HPS5: variants seen among roughly 807,000 people sequenced by gnomAD.
HPS5 encodes BLOC-2 complex member HPS5.
HPS5 carries 83 observed loss-of-function variants against 128.0 expected under a neutral mutation model. That is an observed-to-expected ratio of 0.65 (90% CI 0.54 to 0.78). The LOEUF (loss-of-function observed/expected upper bound fraction) is 0.78. HPS5 is among the 30% of genes least tolerant of loss of function. HPS5 has a pLI of 0.00. For synonymous variants in HPS5, 475 were observed against 470.2 expected (o/e 1.01, Z -0.13); for missense variants, 1,281 against 1,326.2 (o/e 0.97, Z 0.53).
chr11:18,322,148 G>A (rs1212598587), upstream of HPS5: 2 of 152,408 alleles, frequency 1.3e-5, no homozygotes, highest in Non-Finnish European at 2.9e-5. Flanking sequence ...ACTAAGAGCG[G>A]AACGTGAACT....
chr11:18,297,339 C>T (rs760260416), intron 11 of HPS5, among the ~76,000 whole-genome samples: 1 of 152,042 alleles, frequency 6.6e-6, no homozygotes, highest in Non-Finnish European at 1.5e-5. Flanking sequence ...TATCAGGGAA[C>T]AAAAAATAAT....
intron 1 of HPS5, among the ~76,000 whole-genome samples, chr11:18,318,901 T>C (rs747340367): frequency 2.6e-5 from 4 of 152,206 alleles, no homozygotes; most frequent in African/African-American, 9.6e-5. Context: ...CTGGAGATGA[T>C]AAAGTTCTAA....
intron 7 of HPS5, 34 bp from the exon 8 acceptor site, chr11:18,305,527 C>T: frequency 1.4e-6 from 2 of 1,467,456 alleles, no homozygotes; most frequent in Non-Finnish European, 1.9e-6. Flanking sequence ...ATGAGTTTAT[C>T]TGTTAAAAGT....
chr11:18,281,431 C>T (rs1438983536), intron 22 of HPS5, among the ~76,000 whole-genome samples: 4 of 151,672 alleles, frequency 2.6e-5, no homozygotes, highest in East Asian at 3.9e-4. Flanking sequence ...GATGGAGTCT[C>T]GCTCTGTCAC....
At chr11:18,313,788 C>A (rs896403164) in intron 2 of HPS5, among the ~76,000 whole-genome samples, 2 of 152,124 alleles carry the variant, frequency 1.3e-5, no homozygotes, top group East Asian at 3.9e-4. Flanking sequence ...GCAGTGCGTG[C>A]CTGTAATCCC....
At chr11:18,290,010 C>G (rs2134270508) in intron 16 of HPS5, among the ~76,000 whole-genome samples, 1 of 152,310 alleles carries the variant, frequency 6.6e-6, no homozygotes, top group African/African-American at 2.4e-5. Flanking sequence ...GTTACATTTC[C>G]CAGTTTCCTT....
At chr11:18,294,228 C>T (rs866413342) in intron 14 of HPS5, among the ~76,000 whole-genome samples, 3 of 152,184 alleles carry the variant, frequency 2.0e-5, no homozygotes, top group South Asian at 2.1e-4. Context: ...GCTTGATCAA[C>T]GTTGCCTAAA....
At chr11:18,286,816 A>G in intron 18 of HPS5, 106 bp from the exon 19 acceptor site, 1 of 1,406,106 alleles carries the variant, frequency 7.1e-7, no homozygotes. Context: ...ATATAGAAGA[A>G]GAAATAACTT....
At position 18,301,348 on chromosome 11, in the gene HPS5, C is replaced by T. The variant is rs188146762; in HGVS notation, c.897-432G>A. ...ACATGCGCTTGTAATCCCAGCTACT[C>T]GGGAGGCTGAGGCAGGAGAATCACT... On this transcript the variant is annotated intron_variant, in intron 8 of 22. Transcript: ENST00000349215. Among the ~76,000 whole-genome samples, 67 of 147,900 alleles carry T rather than the reference C, an allele frequency of 4.5e-4. 1 individual carries two copies. Among genetic ancestry groups the T allele is most frequent in the African/African-American group, 1.6e-3 (64 of 39,844 alleles).
At chr11:18,311,352 GA>G (rs778516931) in intron 4 of HPS5, 34 bp downstream of exon 4, 10 of 1,425,780 alleles carry the variant, frequency 7.0e-6, no homozygotes, top group Non-Finnish European at 9.9e-6. Flanking sequence ...AAATGCATTT[GA>G]AAAAGGACAG....
intron 1 of HPS5, 131 bp from the exon 2 acceptor site, chr11:18,318,038 T>G (rs1590157435): frequency 6.1e-6 from 4 of 657,428 alleles, no homozygotes; most frequent in Non-Finnish European, 1.0e-5. Context: ...AGAAAACACA[T>G]AAGGTAACAT....
Position 18,306,354 on chromosome 11 carries a change from T to C in HPS5, c.612-7A>G, listed in dbSNP as rs749433305. On this transcript the variant is annotated splice_region_variant and splice_polypyrimidine_tract_variant and intron_variant, in intron 6 of 22. Transcript: ENST00000349215. ...AATTTTCCAAAACTTTTCTCTAACA[T>C]CCAGAAAGGAAGAGAAAGCAGATTT... 3 of 1,604,260 alleles carry C rather than the reference T, an allele frequency of 1.9e-6. No homozygotes were observed. In the East Asian group the frequency reaches 6.7e-5, roughly 36 times the overall value.
At chr11:18,285,936 T>TACA (rs1161914049) in intron 19 of HPS5, among the ~76,000 whole-genome samples, 5 of 152,226 alleles carry the variant, frequency 3.3e-5, no homozygotes, top group Non-Finnish European at 5.9e-5. Flanking sequence ...CATACATACC[T>TACA]ATCTCCCTAA....
At chr11:18,317,381 G>A (rs903274614) in intron 2 of HPS5, among the ~76,000 whole-genome samples, 6 of 150,942 alleles carry the variant, frequency 4.0e-5, no homozygotes, top group Non-Finnish European at 8.8e-5. Context: ...TCAGCCTCCC[G>A]AGTACCTGGG....
intron 20 of HPS5, among the ~76,000 whole-genome samples, chr11:18,284,329 C>G (rs1859410893): frequency 6.6e-6 from 1 of 152,126 alleles, no homozygotes; most frequent in Non-Finnish European, 1.5e-5. Flanking sequence ...TTCCTTGACT[C>G]TTCCCCCTCC....
At chr11:18,309,986 G>C (rs893087574) in intron 5 of HPS5, among the ~76,000 whole-genome samples, 1 of 152,176 alleles carries the variant, frequency 6.6e-6, no homozygotes, top group Non-Finnish European at 1.5e-5. Flanking sequence ...CTGAGTGACA[G>C]AGCAAGAACC....
In HPS5 at chr11:18,311,415, C is replaced by G; in HGVS notation, c.256G>C (p.Asp86His). The G allele has an allele frequency of 6.2e-7, 1 of 1,608,746 alleles. No homozygotes were observed. The highest frequency in any genetic ancestry group is 8.5e-7 in the Non-Finnish European group (1 of 1,175,834). ...GTAGCTACAGCAACATAATCATCAT[C>G]ATGTAAACAACAGGCGACTTGAGAA... ...AISQVACCLHDDDYVAVATSQ... is the reference protein window; with the variant it reads ...AISQVACCLHHDDYVAVATSQ... The change falls in exon 4 of 23, where the codon GAT (aspartate) becomes CAT (histidine). Residue 86 changes from aspartate (D) to histidine (H), a missense_variant. Transcript: ENST00000349215.
chr11:18,298,660 G>T, intron 10 of HPS5, 132 bp downstream of exon 10: 5 of 839,642 alleles, frequency 6.0e-6, no homozygotes, highest in Non-Finnish European at 1.0e-5. Flanking sequence ...TGCTTTCTCT[G>T]GGCATGTATT....
At chr11:18,298,402 C>T (rs952567512) in intron 10 of HPS5, among the ~76,000 whole-genome samples, 15 of 151,850 alleles carry the variant, frequency 9.9e-5, no homozygotes, top group Non-Finnish European at 2.2e-4. Context: ...GGCTGAGACA[C>T]GCGAATTGCT....
Sources: gnomAD v4.1 joint callset for allele counts (sites outside exome capture counted in the v4.1 genomes callset) on GRCh38, gnomAD v4.1.1 for gene constraint, MANE v1.5 for transcripts, NCBI Gene and HGNC (gene_info 2026-07-23, HGNC 2026-07-21) for gene names.